CUL5: variants seen among roughly 807,000 people sequenced by gnomAD.
CUL5 encodes cullin-5.
CUL5 carries 26 observed loss-of-function variants against 108.8 expected under a neutral mutation model. That is an observed-to-expected ratio of 0.24 (90% CI 0.18 to 0.33). CUL5 has a LOEUF of 0.33. Among genes scored for constraint, CUL5 ranks in the 10% least tolerant of loss-of-function variants. The pLI, the probability that CUL5 is intolerant of heterozygous loss-of-function variation, is 1.00. For missense variants in CUL5, 524 were observed against 909.2 expected (o/e 0.58, Z 5.45); for synonymous variants, 334 against 298.0 (o/e 1.12, Z -1.25).
chr11:108,016,216 C>T (rs1205495402), intron 1 of CUL5, among the ~76,000 whole-genome samples: 1 of 151,742 alleles, frequency 6.6e-6, no homozygotes, highest in Non-Finnish European at 1.5e-5. Flanking sequence ...AGCTAGTCAG[C>T]CAGAGAGGTT....
At chr11:108,038,739 C>T (rs1017929289) in intron 2 of CUL5, among the ~76,000 whole-genome samples, 14 of 151,538 alleles carry the variant, frequency 9.2e-5, no homozygotes, top group Non-Finnish European at 1.5e-4. Flanking sequence ...AGTGTATCGT[C>T]CTTTTAGGTA....
intron 11 of CUL5, among the ~76,000 whole-genome samples, chr11:108,080,005 A>G (rs1010602664): frequency 6.6e-6 from 1 of 151,914 alleles, no homozygotes; most frequent in Non-Finnish European, 1.5e-5. Context: ...ATTCTCACCA[A>G]TGTTTAGTGT....
rs995878368 is a variant in CUL5, at chr11:108,088,629, T to C, written c.1281T>C (p.Ser427=). The stretch of plus-strand genomic sequence containing the variant: ...CACCATTAAGCAAAAAACTAACCTC[T>C]GAAGAGATTGAAGCAAAGCTTAAAG... ...RKTPLSKKLT[S]EEIEAKLKEV... is the part of the protein sequence containing the mutation. Residue 427 remains serine (S), a synonymous_variant, in exon 12 of 19, where the codon TCT becomes TCC. Coordinates refer to ENST00000393094, the MANE Select transcript of CUL5 (RefSeq NM_003478.6). The C allele has an allele frequency of 3.1e-6, 5 of 1,601,312 alleles. No homozygotes were observed. In the African/African-American group the frequency reaches 6.7e-5, roughly 22 times the overall value.
intron 11 of CUL5, among the ~76,000 whole-genome samples, chr11:108,081,209 A>C (rs1864073872): frequency 6.6e-6 from 1 of 151,556 alleles, no homozygotes; most frequent in South Asian, 2.1e-4. Flanking sequence ...AATCGTCAGA[A>C]TCTGGGAGGT....
At chr11:108,083,060 T>C (rs1199792564) in intron 11 of CUL5, among the ~76,000 whole-genome samples, 2 of 152,224 alleles carry the variant, frequency 1.3e-5, no homozygotes, top group Admixed American at 6.5e-5. Context: ...AGAAATACTT[T>C]TACTTCTTCC....
At chr11:108,091,911 A>G (rs1482831704) in intron 13 of CUL5, among the ~76,000 whole-genome samples, 2 of 152,156 alleles carry the variant, frequency 1.3e-5, no homozygotes, top group African/African-American at 4.8e-5. Context: ...CTGAGGTGGG[A>G]GGATTGCATG....
intron 1 of CUL5, among the ~76,000 whole-genome samples, chr11:108,020,214 C>A (rs1862294897): frequency 6.6e-6 from 1 of 151,872 alleles, no homozygotes; most frequent in Non-Finnish European, 1.5e-5. Context: ...AGTGTGTGTA[C>A]CCTCTAATAA....
At chr11:108,048,787 C>T (rs943545690) in intron 3 of CUL5, among the ~76,000 whole-genome samples, 1 of 151,446 alleles carries the variant, frequency 6.6e-6, no homozygotes, top group Non-Finnish European at 1.5e-5. Flanking sequence ...CTGCCTCAGC[C>T]TCCCGAGCAG....
chr11:108,084,297 G>T (rs186745963), intron 11 of CUL5, among the ~76,000 whole-genome samples: 6 of 152,352 alleles, frequency 3.9e-5, no homozygotes, highest in Non-Finnish European at 8.8e-5. Context: ...GTACAGAAAT[G>T]CCAGATAAAC....
intron 10 of CUL5, among the ~76,000 whole-genome samples, chr11:108,077,722 A>G (rs924673442): frequency 3.3e-5 from 5 of 152,160 alleles, no homozygotes; most frequent in African/African-American, 9.7e-5. Context: ...AGGCAGGCAG[A>G]TCACCTGAGG....
chr11:108,027,646 T>G (rs1257359516), intron 1 of CUL5, among the ~76,000 whole-genome samples: 1 of 152,082 alleles, frequency 6.6e-6, no homozygotes, highest in Non-Finnish European at 1.5e-5. Context: ...TGGGCTCAAG[T>G]GACCCGCCCG....
intron 16 of CUL5, among the ~76,000 whole-genome samples, chr11:108,097,044 GTCTTGCTCTGT>G (rs1344628262): frequency 9.2e-5 from 14 of 151,994 alleles, no homozygotes; most frequent in African/African-American, 3.4e-4. Context: ...TTGAGACAGA[GTCTTGCTCTGT>G]CCTCCAGGTT....
chr11:108,074,118 T>G (rs754059466), intron 10 of CUL5: 1 of 152,074 alleles, frequency 6.6e-6, no homozygotes, highest in African/African-American at 2.4e-5. Flanking sequence ...TTCCCAAGTT[T>G]GAATGATTCT....
intron 16 of CUL5, among the ~76,000 whole-genome samples, chr11:108,096,088 C>T (rs574930530): frequency 5.8e-4 from 86 of 148,370 alleles, no homozygotes; most frequent in African/African-American, 2.1e-3. Context: ...AGAGTGAGAA[C>T]TCCGTCTGAA....
chr11:108,029,179 GT>G (rs1862519658), intron 1 of CUL5, among the ~76,000 whole-genome samples: 1 of 151,496 alleles, frequency 6.6e-6, no homozygotes, highest in African/African-American at 2.4e-5. Flanking sequence ...GAAGGGATTA[GT>G]TGTGCTGTAA....
Position 108,054,519 on chromosome 11 carries a change from A to G in CUL5, c.554-128A>G, listed in dbSNP as rs894367935. 27 of 612,652 alleles carry G rather than the reference A, an allele frequency of 4.4e-5. No homozygotes were observed. The African/African-American group carries it at 4.7e-4, about 11-fold the overall frequency. 38.0% of individuals were successfully genotyped at this position (612,652 alleles called of 1,614,324 possible). A position where few individuals can be genotyped will look rare whatever the true frequency, so the allele number is the denominator to read the frequency against. ...CTTATGGAGAAGGATTTTGTCTTAT[A>G]TAATTATATGTTCTCTTGAGCATTG... On this transcript the variant is annotated intron_variant, in intron 5 of 18. Transcript: ENST00000393094.
chr11:108,010,409 A>G (rs1266409382), intron 1 of CUL5, among the ~76,000 whole-genome samples: 2 of 152,214 alleles, frequency 1.3e-5, no homozygotes, highest in South Asian at 2.1e-4. Flanking sequence ...CTGATATTTG[A>G]TTGTCTAATA....
intron 11 of CUL5, among the ~76,000 whole-genome samples, chr11:108,083,909 T>C (rs1864160705): frequency 6.6e-6 from 1 of 152,202 alleles, no homozygotes; most frequent in South Asian, 2.1e-4. Flanking sequence ...GCGGGCTGCA[T>C]GCGGCCCAGG....
intron 7 of CUL5, among the ~76,000 whole-genome samples, chr11:108,058,245 CTTTTTT>C (rs771714382): frequency 1.3e-4 from 13 of 100,116 alleles, no homozygotes; most frequent in Non-Finnish European, 1.9e-4. Flanking sequence ...TGAAGAGTGC[CTTTTTT>C]TTTTTTTTTT....
Sources: allele counts gnomAD v4.1 joint callset (sites outside exome capture counted in the v4.1 genomes callset), GRCh38; gene constraint gnomAD v4.1.1; transcripts MANE v1.5; gene names NCBI Gene and HGNC (gene_info 2026-07-23, HGNC 2026-07-21).